MAST4: variants seen among roughly 807,000 people sequenced by gnomAD.
MAST4 encodes microtubule associated serine/threonine kinase family member 4, also known as microtubule-associated serine/threonine-protein kinase 4.
A neutral mutation model predicts 162.7 loss-of-function variants in MAST4; 89 were observed. The observed-to-expected ratio is 0.55, with a 90% CI of 0.46 to 0.65. MAST4 has a LOEUF of 0.65. MAST4 is among the 30% of genes least tolerant of loss of function. The pLI is 0.00. For synonymous variants in MAST4, 1,479 were observed against 1,361.1 expected, an observed-to-expected ratio of 1.09 and a Z score of -1.91; for missense variants, 3,153 against 3,374.0, an observed-to-expected ratio of 0.93 and a Z score of 1.62.
At chr5:66,868,164 C>G (rs1561397425) in intron 3 of MAST4, among the ~76,000 whole-genome samples, 1 of 152,100 alleles carries the variant, frequency 6.6e-6, no homozygotes, top group Non-Finnish European at 1.5e-5. Context: ...AATAGCTGTA[C>G]TTAAGTGACT....
At chr5:67,085,477 CTCAA>C (rs1370286957) in intron 5 of MAST4, among the ~76,000 whole-genome samples, 4 of 152,158 alleles carry the variant, frequency 2.6e-5, no homozygotes, top group Non-Finnish European at 5.9e-5. Flanking sequence ...TATTTGTTGG[CTCAA>C]TCAGTCAAGC....
chr5:66,665,337 G>A (rs1411765239), intron 1 of MAST4, among the ~76,000 whole-genome samples: 1 of 152,176 alleles, frequency 6.6e-6, no homozygotes, highest in Non-Finnish European at 1.5e-5. Context: ...ATGTCTTTTA[G>A]CGGCTAACAA....
At chr5:66,712,638 CTT>C (rs1750567152) in intron 1 of MAST4, among the ~76,000 whole-genome samples, 1 of 152,160 alleles carries the variant, frequency 6.6e-6, no homozygotes, top group African/African-American at 2.4e-5. Context: ...CAGTTTCCCT[CTT>C]TTGATATCTC....
At chr5:67,095,256 T>C (rs1428406) in intron 6 of MAST4, among the ~76,000 whole-genome samples, 26,360 of 152,144 alleles carry the variant, frequency 0.17, 2,420 homozygotes, top group Middle Eastern at 0.23. Flanking sequence ...AGCTTCCAGA[T>C]GAGAGTGTTT....
chr5:66,690,057 T>G (rs897402209), intron 1 of MAST4, among the ~76,000 whole-genome samples: 2 of 152,156 alleles, frequency 1.3e-5, no homozygotes, highest in Non-Finnish European at 2.9e-5. Flanking sequence ...TAAGTAATGA[T>G]TAATCTGTGT....
At chr5:66,771,252 T>G (rs1411445675) in intron 2 of MAST4, among the ~76,000 whole-genome samples, 3 of 152,256 alleles carry the variant, frequency 2.0e-5, no homozygotes, top group East Asian at 1.9e-4. Flanking sequence ...TGGTGCAATC[T>G]TGGCTCACTG....
intron 1 of MAST4, among the ~76,000 whole-genome samples, chr5:66,610,071 T>A (rs1483748574): frequency 1.3e-5 from 2 of 152,022 alleles, no homozygotes; most frequent in African/African-American, 2.4e-5. Context: ...AAAACTGCAA[T>A]TACTTTTGCA....
At chr5:66,987,000 T>C (rs1749590250) in intron 4 of MAST4, among the ~76,000 whole-genome samples, 1 of 152,230 alleles carries the variant, frequency 6.6e-6, no homozygotes, top group Admixed American at 6.5e-5. Flanking sequence ...TAAGATTATA[T>C]AAACTTACTA....
intron 14 of MAST4, among the ~76,000 whole-genome samples, chr5:67,125,839 C>G (rs1194753649): frequency 6.6e-6 from 1 of 152,178 alleles, no homozygotes; most frequent in Non-Finnish European, 1.5e-5. Context: ...CTGTCTTTCA[C>G]AATGGTTGAA....
At chr5:66,663,219 A>T (rs1264511044) in intron 1 of MAST4, among the ~76,000 whole-genome samples, 1 of 152,130 alleles carries the variant, frequency 6.6e-6, no homozygotes, top group Non-Finnish European at 1.5e-5. Flanking sequence ...GCATGTGTGT[A>T]TACATGGATT....
intron 4 of MAST4, among the ~76,000 whole-genome samples, chr5:66,972,788 C>T (rs1473642095): frequency 6.6e-6 from 1 of 152,174 alleles, no homozygotes; most frequent in Non-Finnish European, 1.5e-5. Flanking sequence ...CTGCTCAGAA[C>T]CTTCCAGTGG....
chr5:67,004,391 G>T (rs1751696201), intron 4 of MAST4, among the ~76,000 whole-genome samples: 1 of 152,228 alleles, frequency 6.6e-6, no homozygotes, highest in Admixed American at 6.5e-5. Context: ...TCCTCCAATA[G>T]GCCCATTTTT....
chr5:66,748,436 C>CCTCCCTCCCTCCCTCCCTCCCTCA (rs1561302723), intron 1 of MAST4, among the ~76,000 whole-genome samples: 1 of 5,414 alleles, frequency 1.8e-4, no homozygotes, highest in African/African-American at 8.7e-4. Flanking sequence ...TCCCTCCCTC[C>CCTCCCTCCCTCCCTCCCTCCCTCA]CTCCCTCTCT....
In MAST4 at chr5:67,149,378, T is replaced by A. The variant is rs1370609505; in HGVS notation, c.3095-11T>A. ...TTTCCTGAATGTGTTTATCCCTTCT[T>A]CTTTGTACAGTTGGCAGTTTTTCAG... On this transcript the variant is annotated splice_polypyrimidine_tract_variant and intron_variant, in intron 23 of 28. Coordinates refer to ENST00000403625, the MANE Select transcript of MAST4 (RefSeq NM_001164664.2). 6.2e-7 allele frequency: 1 copy of A among 1,609,260 alleles called. No homozygotes were observed. The highest frequency in any genetic ancestry group is 1.1e-5 in the South Asian group (1 of 89,822).
chr5:66,898,210 AG>A (rs955776421), intron 3 of MAST4, among the ~76,000 whole-genome samples: 1 of 152,158 alleles, frequency 6.6e-6, no homozygotes, highest in African/African-American at 2.4e-5. Flanking sequence ...GCTACTCAGG[AG>A]GCTGAGGCAA....
At chr5:67,117,244 T>A (rs1767026527) in intron 12 of MAST4, among the ~76,000 whole-genome samples, 1 of 152,200 alleles carries the variant, frequency 6.6e-6, no homozygotes, top group South Asian at 2.1e-4. Flanking sequence ...AAGATGCTAG[T>A]CATATTGGAT....
chr5:66,758,664 A>G (rs773343262), intron 1 of MAST4, among the ~76,000 whole-genome samples: 6 of 152,234 alleles, frequency 3.9e-5, no homozygotes, highest in Non-Finnish European at 5.9e-5. Context: ...TCTTATAAAT[A>G]CATCCATGAT....
At chr5:66,776,908 T>C (rs1754630339) in intron 2 of MAST4, among the ~76,000 whole-genome samples, 1 of 152,166 alleles carries the variant, frequency 6.6e-6, no homozygotes, top group African/African-American at 2.4e-5. Flanking sequence ...GCCTTCCTGG[T>C]TGGCACCACT....
rs145388040 is a variant in MAST4 at position 66,809,882 on chromosome 5, C to T, written c.642+21088C>T. Among the ~76,000 whole-genome samples the T allele has an allele frequency of 6.4e-3, 974 of 152,256 alleles. 9 individuals are homozygous for T. Among genetic ancestry groups the T allele is most frequent in the African/African-American group, 0.019 (789 of 41,534 alleles). On this transcript the variant is annotated intron_variant, in intron 3 of 28. Transcript: ENST00000403625. ...TCCCGAGTAGCTGGGATTACAGGCA[C>T]GCACCACCACACCCAGGTAATTTTT...
Sources: gnomAD v4.1 joint callset for allele counts (sites outside exome capture counted in the v4.1 genomes callset) on GRCh38, gnomAD v4.1.1 for gene constraint, MANE v1.5 for transcripts, NCBI Gene and HGNC (gene_info 2026-07-23, HGNC 2026-07-21) for gene names.